Variants in SCUBE3 observed in about 807,000 individuals in gnomAD.
SCUBE3 encodes signal peptide, CUB and EGF-like domain-containing protein 3.
A neutral mutation model predicts 116.8 loss-of-function variants in SCUBE3; 33 were observed. That is an observed-to-expected ratio of 0.28 (90% CI 0.21 to 0.38). The LOEUF (loss-of-function observed/expected upper bound fraction) is 0.38, where lower values mean the gene tolerates loss of function less well. Ranked by LOEUF, SCUBE3 falls within the 10% of genes least tolerant of loss-of-function variation. SCUBE3 has a pLI of 1.00. For synonymous variants in SCUBE3, 418 were observed against 496.9 expected, an observed-to-expected ratio of 0.84 and a Z score of 2.11; for missense variants, 1,007 against 1,324.8, an observed-to-expected ratio of 0.76 and a Z score of 3.72.
Position 35,228,803 on chromosome 6 carries a change from T to C in SCUBE3, c.334+64T>C. 6.5e-7 allele frequency: 1 copy of C among 1,534,954 alleles called. No individual in the cohort carries two copies. The highest frequency in any genetic ancestry group is 9.0e-7 in the Non-Finnish European group (1 of 1,110,400). On this transcript the variant is annotated intron_variant, in intron 3 of 21. Coordinates refer to ENST00000274938, the MANE Select transcript of SCUBE3 (RefSeq NM_152753.4). This position sits in a 1 kb window ranked among gnomAD's most constrained non-coding sequence, Gnocchi z 4.9. ...GTGGAGAAAGAGATCTTTTCAGCAT[T>C]TCCTATTTCCCAGGGAAGGAGGAGA...
intron 6 of SCUBE3, among the ~76,000 whole-genome samples, chr6:35,234,664 CATT>C (rs1783686829): frequency 6.6e-6 from 1 of 152,208 alleles, no homozygotes; most frequent in African/African-American, 2.4e-5. Flanking sequence ...CTCCTGGACA[CATT>C]CACACATCCC....
intron 1 of SCUBE3, among the ~76,000 whole-genome samples, chr6:35,226,729 T>C (rs1184866207): frequency 6.6e-6 from 1 of 152,072 alleles, no homozygotes; most frequent in Non-Finnish European, 1.5e-5. Flanking sequence ...CCACCTGCCT[T>C]GGCCTCCCAA....
rs557987391 is a variant in SCUBE3, at chr6:35,233,359, T to A, written c.712+58T>A. 3 of 1,050,486 alleles carry A rather than the reference T, an allele frequency of 2.9e-6. No homozygotes were observed. In the Admixed American group the frequency reaches 5.2e-5, roughly 18 times the overall value. The allele number at this position is 1,050,486 out of a possible 1,614,324, so 65.1% of individuals were successfully genotyped here. A position where few individuals can be genotyped will look rare whatever the true frequency, so the allele number is the denominator to read the frequency against. ...TGAGATGGGGTGGGGGTGGGACCCTTTGGGAACCAGGGAAGTGGAGGAGTG... is the reference window on the plus strand; with the variant it reads ...TGAGATGGGGTGGGGGTGGGACCCTATGGGAACCAGGGAAGTGGAGGAGTG... On this transcript the variant is annotated intron_variant, in intron 6 of 21. Transcript: ENST00000274938. The surrounding 1 kb of genome is among the most constrained non-coding windows in gnomAD (Gnocchi z 5.7).
At position 35,231,701 on chromosome 6, in the gene SCUBE3, C is replaced by T. The variant is rs73745128; in HGVS notation, c.335-24C>T. 1.3e-3 allele frequency: 2,023 copies of T among 1,587,912 alleles called. 17 individuals carry two copies. The African/African-American group carries it at 0.017, about 13-fold the overall frequency. On this transcript the variant is annotated intron_variant, in intron 3 of 21. Coordinates refer to ENST00000274938, the MANE Select transcript of SCUBE3 (RefSeq NM_152753.4). This position sits in a 1 kb window ranked among gnomAD's most constrained non-coding sequence, Gnocchi z 4.2. ...TGGACCCTGCCTGTACCCCATGACC[C>T]CACTGACTACCTATCCTGCACAGAT...
At position 35,245,410 on chromosome 6, in the gene SCUBE3, G is replaced by A. The variant is rs755838416; in HGVS notation, c.2584G>A (p.Val862Ile). 1.5e-5 allele frequency: 25 copies of A among 1,613,892 alleles called. No individual in the cohort carries two copies. The highest frequency in any genetic ancestry group is 1.6e-4 in the Middle Eastern group (1 of 6,084). ...PSEDECGDVL[V>I]MRKNSSPSSI... ...TGAGGATGAGTGTGGGGACGTCCTC[G>A]TCATGAGAAAGAACTGTGGGTGGCT... Residue 862 changes from valine to isoleucine, a missense_variant, in exon 19 of 22, where the codon GTC becomes ATC. Val to Ile is a conservative substitution (Grantham distance 29). Around this residue, in one of 5 missense-constraint regions of SCUBE3, gnomAD observed 118 missense variants for 196.6 expected, o/e 0.60. Coordinates refer to ENST00000274938, the MANE Select transcript of SCUBE3 (RefSeq NM_152753.4). This position sits in a 1 kb window ranked among gnomAD's most constrained non-coding sequence, Gnocchi z 4.2.
In SCUBE3 at chr6:35,244,335, C is replaced by T. The variant is rs1343229673; in HGVS notation, c.2239+205C>T. Among the ~76,000 whole-genome samples the T allele has an allele frequency of 6.6e-6, 1 of 152,192 alleles. No individual in the cohort carries two copies. Among genetic ancestry groups the T allele is most frequent in the Non-Finnish European group, 1.5e-5 (1 of 68,040 alleles). ...AGCTTGGGAACTGAGAAATAATTAACAGTCCCACTTACCCCTCCACTTTGG... is the reference window on the plus strand; with the variant it reads ...AGCTTGGGAACTGAGAAATAATTAATAGTCCCACTTACCCCTCCACTTTGG... On this transcript the variant is annotated intron_variant, in intron 17 of 21. Coordinates refer to ENST00000274938, the MANE Select transcript of SCUBE3 (RefSeq NM_152753.4). This position sits in a 1 kb window ranked among gnomAD's most constrained non-coding sequence, Gnocchi z 4.3.
chr6:35,226,461 T>C (rs374281115), intron 1 of SCUBE3, among the ~76,000 whole-genome samples: 21 of 149,462 alleles, frequency 1.4e-4, no homozygotes, highest in South Asian at 4.2e-4. Context: ...GCCTCAGAAG[T>C]TGGACTCTTT....
Position 35,243,507 on chromosome 6 carries a change from T to G in SCUBE3, c.1910-87T>G. ...ACAGAGATTCTCCCTGAATCGGGGGTTGTGGCGGGGAGTGGGAAGGGGAGT... is the reference window on the plus strand; with the variant it reads ...ACAGAGATTCTCCCTGAATCGGGGGGTGTGGCGGGGAGTGGGAAGGGGAGT... On this transcript the variant is annotated intron_variant, in intron 15 of 21. Transcript: ENST00000274938. This position sits in a 1 kb window ranked among gnomAD's most constrained non-coding sequence, Gnocchi z 6.6. 8.1e-7 allele frequency: 1 copy of G among 1,238,844 alleles called. No homozygotes were observed. The highest frequency in any genetic ancestry group is 1.1e-6 in the Non-Finnish European group (1 of 889,118). 76.7% of individuals were successfully genotyped at this position (1,238,844 alleles called of 1,614,324 possible). A position where few individuals can be genotyped will look rare whatever the true frequency, so the allele number is the denominator to read the frequency against.
rs764063927 is a variant in SCUBE3, at chr6:35,235,522, CT to C, written c.712+2222del. On this transcript the variant is annotated intron_variant, in intron 6 of 21. Coordinates refer to ENST00000274938, the MANE Select transcript of SCUBE3 (RefSeq NM_152753.4). The surrounding 1 kb of genome is among the most constrained non-coding windows in gnomAD (Gnocchi z 4.5). ...AATATGTCTGCTCTCTCCGCTTGCTCTCACTGGCTTGCTAGGGGAAGGGCTA... is the reference window on the plus strand; with the variant it reads ...AATATGTCTGCTCTCTCCGCTTGCTCCACTGGCTTGCTAGGGGAAGGGCTA... 85 of 1,243,886 alleles carry C rather than the reference CT, an allele frequency of 6.8e-5. 1 individual carries two copies. In the South Asian group the frequency reaches 8.4e-4, roughly 12 times the overall value. 77.1% of individuals were successfully genotyped at this position (1,243,886 alleles called of 1,614,324 possible).
intron 6 of SCUBE3, among the ~76,000 whole-genome samples, chr6:35,237,570 C>T (rs1783828387): frequency 6.6e-6 from 1 of 152,142 alleles, no homozygotes; most frequent in Non-Finnish European, 1.5e-5. Flanking sequence ...AGCTCCCATC[C>T]CTCCCTACTG....
Position 35,244,947 on chromosome 6 carries a change from C to A in SCUBE3, c.2401+136C>A. 1 of 866,820 alleles carries A rather than the reference C, an allele frequency of 1.2e-6. No individual in the cohort carries two copies. Among genetic ancestry groups the A allele is most frequent in the Non-Finnish European group, 1.8e-6 (1 of 550,802 alleles). 53.7% of individuals were successfully genotyped at this position (866,820 alleles called of 1,614,324 possible). A position where few individuals can be genotyped will look rare whatever the true frequency, so the allele number is the denominator to read the frequency against. ...AGGAAAACTCCACCTTCCACCTCTC[C>A]CCAACTCACTCAATCTCAAGGCCAG... is the stretch of plus-strand genomic sequence containing the variant. On this transcript the variant is annotated intron_variant, in intron 18 of 21. Coordinates refer to ENST00000274938, the MANE Select transcript of SCUBE3 (RefSeq NM_152753.4). The surrounding 1 kb of genome is among the most constrained non-coding windows in gnomAD (Gnocchi z 4.3).
Position 35,243,291 on chromosome 6 carries a change from C to A in SCUBE3, c.1909+55C>A. The stretch of plus-strand genomic sequence containing the variant: ...TAGGAAAGACCCAGTTTGGGCCTGA[C>A]TCAGAGCAGGACCCTTTGTGGCCTC... On this transcript the variant is annotated intron_variant, in intron 15 of 21. Coordinates refer to ENST00000274938, the MANE Select transcript of SCUBE3 (RefSeq NM_152753.4). The surrounding 1 kb of genome is among the most constrained non-coding windows in gnomAD (Gnocchi z 6.6). 1.4e-6 allele frequency: 2 copies of A among 1,454,696 alleles called. No individual in the cohort carries two copies. Among genetic ancestry groups the A allele is most frequent in the Non-Finnish European group, 9.6e-7 (1 of 1,044,178 alleles). The allele number at this position is 1,454,696 out of a possible 1,614,324, so 90.1% of individuals were successfully genotyped here. A position where few individuals can be genotyped will look rare whatever the true frequency, so the allele number is the denominator to read the frequency against.
rs1448745696 is a variant in SCUBE3 at position 35,252,822 on chromosome 6, AAGTTTC to A, written c.*4120_*4125del. 6.6e-6 allele frequency: 1 copy of A among 152,208 alleles called. No homozygotes were observed. Among genetic ancestry groups the A allele is most frequent in the Non-Finnish European group, 1.5e-5 (1 of 68,016 alleles). The allele number at this position is 152,208 out of a possible 1,614,324, so 9.4% of individuals were successfully genotyped here. A position where few individuals can be genotyped will look rare whatever the true frequency, so the allele number is the denominator to read the frequency against. ...TTATACTTCTGTGTGAGCTGAACTC[AAGTTTC>A]AGAATAATCATCGCCATGTGGGAGG... On this transcript the variant is annotated 3_prime_UTR_variant, in exon 22 of 22. Transcript: ENST00000274938.
Position 35,214,772 on chromosome 6 carries a change from C to G in SCUBE3, c.85+269C>G, listed in dbSNP as rs1782819427. ...CCACGCGCCTCAGAATTCCGCTCGA[C>G]TTCATCCACTCCCAGCATCTTCGAA... On this transcript the variant is annotated intron_variant, in intron 1 of 21. Coordinates refer to ENST00000274938, the MANE Select transcript of SCUBE3 (RefSeq NM_152753.4). The surrounding 1 kb of genome is among the most constrained non-coding windows in gnomAD (Gnocchi z 6.3). 6.6e-6 allele frequency among the ~76,000 whole-genome samples: 1 copy of G among 152,254 alleles called. No homozygotes were observed. The highest frequency in any genetic ancestry group is 2.4e-5 in the African/African-American group (1 of 41,474).
intron 1 of SCUBE3, chr6:35,221,586 G>C (rs1470404028): frequency 6.6e-6 from 1 of 152,182 alleles, no homozygotes; most frequent in Non-Finnish European, 1.5e-5. Context: ...TTCATCTCTG[G>C]TTCACTGCCA....
intron 1 of SCUBE3, chr6:35,221,611 A>G (rs1186323233): frequency 1.3e-5 from 2 of 152,190 alleles, no homozygotes; most frequent in Non-Finnish European, 2.9e-5. Flanking sequence ...CCCAGCACCT[A>G]GCACGGTGCT....
Position 35,240,140 on chromosome 6 carries a change from G to A in SCUBE3, c.953-234G>A, listed in dbSNP as rs1312451414. On this transcript the variant is annotated intron_variant, in intron 8 of 21. Transcript: ENST00000274938. The surrounding 1 kb of genome is among the most constrained non-coding windows in gnomAD (Gnocchi z 4.6). ...AGTAGGACGTACCTAACCACACATG[G>A]TGGGCCCTGACCTAAAGGCACCAGA... 2.0e-5 allele frequency among the ~76,000 whole-genome samples: 3 copies of A among 152,152 alleles called. No individual in the cohort carries two copies. The highest frequency in any genetic ancestry group is 4.4e-5 in the Non-Finnish European group (3 of 68,034).
chr6:35,224,663 G>C (rs1195175872), intron 1 of SCUBE3: 1 of 145,518 alleles, frequency 6.9e-6, no homozygotes, highest in Non-Finnish European at 1.5e-5. Context: ...AAAAGAATCT[G>C]CTGGGAGGCC....
In SCUBE3 at chr6:35,241,514, A is replaced by C. The variant is rs373362333; in HGVS notation, c.1196-29A>C. On this transcript the variant is annotated intron_variant, in intron 10 of 21. Transcript: ENST00000274938. The surrounding 1 kb of genome is among the most constrained non-coding windows in gnomAD (Gnocchi z 4.1). ...CCAACTGAGGGAAAGGAATGCATTC[A>C]TTTGCTCAGGCCTCTCTCCCCTTCC... 6 of 1,485,812 alleles carry C rather than the reference A, an allele frequency of 4.0e-6. No individual in the cohort carries two copies. The highest frequency in any genetic ancestry group is 5.6e-6 in the Non-Finnish European group (6 of 1,063,196). The allele number at this position is 1,485,812 out of a possible 1,614,324, so 92.0% of individuals were successfully genotyped here.
Sources: gnomAD v4.1 joint callset for allele counts (sites outside exome capture counted in the v4.1 genomes callset) on GRCh38, gnomAD v4.1.1 for gene constraint, gnomAD v4.1.1 regional missense constraint, Gnocchi (gnomAD v3.1) non-coding constraint, MANE v1.5 for transcripts, NCBI Gene and HGNC (gene_info 2026-07-23, HGNC 2026-07-21) for gene names.